ADD2: variants seen among roughly 807,000 people sequenced by gnomAD.
ADD2 encodes the protein beta-adducin.
Under a neutral mutation model 83.0 loss-of-function variants are expected in ADD2, and 23 were observed. The observed-to-expected ratio is 0.28, with a 90% CI of 0.20 to 0.39. The LOEUF is 0.39. Ranked by LOEUF, ADD2 falls within the 10% of genes least tolerant of loss-of-function variation. The pLI is 1.00. For synonymous variants in ADD2, 375 were observed against 375.4 expected (o/e 1.00, Z 0.01); for missense variants, 758 against 944.9 (o/e 0.80, Z 2.59).
chr2:70,668,403 C>T (rs1302048539), intron 15 of ADD2, among the ~76,000 whole-genome samples: 1 of 152,234 alleles, frequency 6.6e-6, no homozygotes, highest in Non-Finnish European at 1.5e-5. Flanking sequence ...ATCTGGACAG[C>T]CTCCCCTGAC....
chr2:70,706,732 T>C lies in ADD2; in HGVS notation c.-34-290A>G, dbSNP rs183242444. Among the ~76,000 whole-genome samples, 3 of 152,054 alleles carry C rather than the reference T, an allele frequency of 2.0e-5. No individual in the cohort carries two copies. In the East Asian group the frequency reaches 5.8e-4, roughly 29 times the overall value. On this transcript the variant is annotated intron_variant, in intron 2 of 15. Transcript: ENST00000264436. The surrounding 1 kb of genome is among the most constrained non-coding windows in gnomAD (Gnocchi z 5.0). ...GTCACACTTGGCTTGGAGTAGAGAG[T>C]TCCCCGAATGGAAACATGACCTGCA...
chr2:70,696,818 C>A (rs542231710), intron 4 of ADD2, among the ~76,000 whole-genome samples: 1 of 152,152 alleles, frequency 6.6e-6, no homozygotes, highest in Admixed American at 6.5e-5. Context: ...ATTGTTTTAA[C>A]GACACCATGT....
intron 15 of ADD2, among the ~76,000 whole-genome samples, chr2:70,669,857 G>GAGAGAGACAGAC (rs200726163): frequency 6.6e-6 from 1 of 152,126 alleles, no homozygotes; most frequent in African/African-American, 2.4e-5. Flanking sequence ...CATAGAGGGA[G>GAGAGAGACAGAC]AGAGAGACAG....
chr2:70,695,648 C>T (rs962137153), intron 6 of ADD2, 73 bp downstream of exon 6: 33 of 1,420,624 alleles, frequency 2.3e-5, no homozygotes, highest in Non-Finnish European at 3.1e-5. Context: ...TTGGAGATGA[C>T]CTAGCACTGT....
At chr2:70,757,139 A>T (rs1026312266) in intron 1 of ADD2, among the ~76,000 whole-genome samples, 5 of 152,098 alleles carry the variant, frequency 3.3e-5, no homozygotes, top group African/African-American at 1.2e-4. Flanking sequence ...GTTCAACCTT[A>T]ATTTTTATGG....
rs144378642 is a variant in ADD2 at position 70,698,270 on chromosome 2, C to T, written c.323-1874G>A. On this transcript the variant is annotated intron_variant, in intron 4 of 15. Coordinates refer to ENST00000264436, the MANE Select transcript of ADD2 (RefSeq NM_001617.4). ...CAGAACAGGTCTGAAAATACTCACCCCATCACATCATCTGTGTCTGTATCA... is the reference window on the plus strand; with the variant it reads ...CAGAACAGGTCTGAAAATACTCACCTCATCACATCATCTGTGTCTGTATCA... 4.6e-3 allele frequency among the ~76,000 whole-genome samples: 697 copies of T among 152,288 alleles called. 5 individuals carry two copies. The highest frequency in any genetic ancestry group is 0.016 in the African/African-American group (653 of 41,550).
chr2:70,677,109 G>A (rs1670193043), intron 12 of ADD2, among the ~76,000 whole-genome samples: 5 of 152,084 alleles, frequency 3.3e-5, no homozygotes, highest in Admixed American at 3.3e-4. Context: ...GAAACCAGAA[G>A]GAGCTGTAAA....
chr2:70,761,043 C>T (rs1027244442), intron 1 of ADD2, among the ~76,000 whole-genome samples: 3 of 152,028 alleles, frequency 2.0e-5, no homozygotes, highest in Admixed American at 6.6e-5. Context: ...CAAGAACTAC[C>T]GGAATATACT....
At chr2:70,713,453 A>C (rs1052678983) in intron 1 of ADD2, among the ~76,000 whole-genome samples, 6 of 152,184 alleles carry the variant, frequency 3.9e-5, no homozygotes, top group Non-Finnish European at 7.3e-5. Flanking sequence ...TCTACTAAAA[A>C]TACAAAAATT....
chr2:70,694,494 C>T (rs1671207634), intron 6 of ADD2, among the ~76,000 whole-genome samples: 1 of 152,184 alleles, frequency 6.6e-6, no homozygotes, highest in Non-Finnish European at 1.5e-5. Context: ...TGGACCCGAT[C>T]CCCTTCCCAA....
intron 4 of ADD2, among the ~76,000 whole-genome samples, chr2:70,699,583 C>A (rs1671485205): frequency 6.6e-6 from 1 of 152,024 alleles, no homozygotes; most frequent in South Asian, 2.1e-4. Context: ...AGTTTCAGAC[C>A]AGCCTGGGCA....
chr2:70,681,155 T>C (rs914748146), intron 10 of ADD2, among the ~76,000 whole-genome samples: 3 of 152,198 alleles, frequency 2.0e-5, no homozygotes, highest in Non-Finnish European at 2.9e-5. Flanking sequence ...AATATCACTA[T>C]TATAGAACCT....
At chr2:70,728,236 C>T (rs1673108665) in intron 1 of ADD2, among the ~76,000 whole-genome samples, 1 of 152,206 alleles carries the variant, frequency 6.6e-6, no homozygotes, top group Admixed American at 6.5e-5. Context: ...TAGGCCACGG[C>T]CTATATGTGC....
chr2:70,681,046 G>A (rs1670426436), intron 10 of ADD2, among the ~76,000 whole-genome samples: 1 of 152,066 alleles, frequency 6.6e-6, no homozygotes, highest in African/African-American at 2.4e-5. Context: ...AAGAGGAAAG[G>A]GGCCTGAATT....
rs549269524 is a variant in ADD2, at chr2:70,767,950, T to C, written c.-218A>G. The C allele has an allele frequency of 3.2e-4, 495 of 1,535,604 alleles. No individual in the cohort carries two copies. Among genetic ancestry groups the C allele is most frequent in the Non-Finnish European group, 4.1e-4 (474 of 1,146,732 alleles). ...CGGGTTGGTTTTGTTATTTTATGGG[T>C]TTGGGGGGTGGGGTGCGCTTAAAAA... On this transcript the variant is annotated 5_prime_UTR_variant, in exon 1 of 16. Transcript: ENST00000264436.
chr2:70,737,996 C>A (rs528268045), intron 1 of ADD2, among the ~76,000 whole-genome samples: 1 of 152,296 alleles, frequency 6.6e-6, no homozygotes, highest in South Asian at 2.1e-4. Flanking sequence ...TGCTCAGGAG[C>A]ACACAGCCAA....
At chr2:70,704,263 T>TGCCCCCCCCCCCCCCCCCCCCCCCACC in intron 4 of ADD2, 58 bp downstream of exon 4, 1 of 913,238 alleles carries the variant, frequency 1.1e-6, no homozygotes, top group Non-Finnish European at 1.7e-6. Context: ...CTCCCTCTCT[T>TGCCCCCCCCCCCCCCCCCCCCCCCACC]CCCCACCCCA....
chr2:70,671,555 C>G (rs1326309038), intron 15 of ADD2, among the ~76,000 whole-genome samples: 2 of 152,164 alleles, frequency 1.3e-5, no homozygotes, highest in African/African-American at 4.8e-5. Flanking sequence ...TAAACAGCCT[C>G]TCTATACTTA....
Position 70,692,468 on chromosome 2 carries a change from C to A in ADD2, c.640G>T (p.Ala214Ser). 6.2e-7 allele frequency: 1 copy of A among 1,612,574 alleles called. No homozygotes were observed. ...ACGTCGGGCCTCGCTGCATAGATGG[C>A]CGAGTGCAGACAGAAGCCTGTGGTG... ...VDTTGFCLHS[A>S]IYAARPDVRC... is the part of the protein sequence containing the mutation. Residue 214 changes from alanine to serine, a missense_variant, in exon 7 of 16, where the codon GCC (alanine) becomes TCC (serine). This residue lies in a region of ADD2 where 394 missense variants were observed against 509.3 expected (regional missense o/e 0.77). Transcript: ENST00000264436.
Sources: gnomAD v4.1 joint callset for allele counts (sites outside exome capture counted in the v4.1 genomes callset) on GRCh38, gnomAD v4.1.1 for gene constraint, gnomAD v4.1.1 regional missense constraint, Gnocchi (gnomAD v3.1) non-coding constraint, MANE v1.5 for transcripts, NCBI Gene and HGNC (gene_info 2026-07-23, HGNC 2026-07-21) for gene names.